Variants in ARB2A observed in about 807,000 individuals in gnomAD.
The protein encoded by ARB2A is ARB2 cotranscriptional regulator A.
At chr5:93,883,413 T>TG in the ARB2A span, among the ~76,000 whole-genome samples, 1 of 150,856 alleles carries the variant, frequency 6.6e-6, no homozygotes, top group African/African-American at 2.4e-5. Context: ...AAAAGAGAAT[T>TG]TTTTTTAAAG....
the ARB2A span, among the ~76,000 whole-genome samples, chr5:93,826,263 C>G: frequency 0.034 from 5,137 of 152,302 alleles, 182 homozygotes; most frequent in East Asian, 0.17. Context: ...AGCTTGAACA[C>G]TAAAAGACTC....
the ARB2A span, among the ~76,000 whole-genome samples, chr5:93,990,752 T>C: frequency 2.6e-5 from 4 of 151,496 alleles, no homozygotes; most frequent in African/African-American, 9.7e-5. Flanking sequence ...GACAACTGTA[T>C]AAAATGTATT....
the ARB2A span, among the ~76,000 whole-genome samples, chr5:93,964,891 G>A: frequency 6.6e-6 from 1 of 151,864 alleles, no homozygotes; most frequent in Admixed American, 6.6e-5. Flanking sequence ...GCACCTTAGT[G>A]ACTCTGAATC....
At chr5:93,634,499 T>C in the ARB2A span, among the ~76,000 whole-genome samples, 1 of 152,072 alleles carries the variant, frequency 6.6e-6, no homozygotes, top group African/African-American at 2.4e-5. Context: ...AACAAACTGA[T>C]GAGGTGGACT....
At chr5:93,858,308 C>G in the ARB2A span, among the ~76,000 whole-genome samples, 2 of 152,228 alleles carry the variant, frequency 1.3e-5, no homozygotes, top group African/African-American at 4.8e-5. Context: ...AGCAAGTGTT[C>G]AGCAAAGACC....
chr5:93,772,065 A>G, the ARB2A span, among the ~76,000 whole-genome samples: 4 of 152,248 alleles, frequency 2.6e-5, no homozygotes, highest in African/African-American at 4.8e-5. Flanking sequence ...CCAAATGTCC[A>G]ACAATGATAG....
chr5:93,683,789 C>G, the ARB2A span: 1 of 1,324,122 alleles, frequency 7.6e-7, no homozygotes, highest in Non-Finnish European at 1.1e-6. Context: ...AGAGAACAGC[C>G]GCGCAGGACG....
the ARB2A span, among the ~76,000 whole-genome samples, chr5:93,877,570 A>G: frequency 6.6e-6 from 1 of 152,128 alleles, no homozygotes; most frequent in East Asian, 1.9e-4. Context: ...ACGCTCAAAG[A>G]TCTAAAGGAT....
the ARB2A span, among the ~76,000 whole-genome samples, chr5:93,626,272 A>G: frequency 6.6e-6 from 1 of 152,216 alleles, no homozygotes; most frequent in Non-Finnish European, 1.5e-5. Context: ...TCTTCAAATG[A>G]TATCACACAC....
the ARB2A span, among the ~76,000 whole-genome samples, chr5:93,631,520 T>G: frequency 3.3e-5 from 5 of 152,298 alleles, no homozygotes; most frequent in Non-Finnish European, 7.3e-5. Context: ...CTAAAGGATT[T>G]TAAGTTAGCA....
chr5:93,741,183 C>T, the ARB2A span: 1 of 1,613,906 alleles, frequency 6.2e-7, no homozygotes, highest in Non-Finnish European at 8.5e-7. Flanking sequence ...TGGCCAATTG[C>T]TGCAACTCTT....
the ARB2A span, among the ~76,000 whole-genome samples, chr5:93,673,546 G>A: frequency 7.9e-5 from 12 of 152,172 alleles, no homozygotes; most frequent in Middle Eastern, 3.2e-3. Flanking sequence ...AAGACACTTC[G>A]TTTAAAGAAT....
At chr5:93,782,022 CTCTTA>C in the ARB2A span, 1 of 731,436 alleles carries the variant, frequency 1.4e-6, no homozygotes, top group East Asian at 1.3e-4. Context: ...AAACACTGGA[CTCTTA>C]TCTTGCCAAC....
At chr5:93,683,021 G>C in the ARB2A span, 1 of 1,571,372 alleles carries the variant, frequency 6.4e-7, no homozygotes, top group Non-Finnish European at 8.6e-7. Context: ...TGTTTTAGGA[G>C]TTTTTTCCTG....
At chr5:93,875,683 A>C in the ARB2A span, among the ~76,000 whole-genome samples, 2 of 152,230 alleles carry the variant, frequency 1.3e-5, no homozygotes, top group African/African-American at 4.8e-5. Flanking sequence ...GAGAAATATA[A>C]ATGCCTTGGA....
the ARB2A span, among the ~76,000 whole-genome samples, chr5:93,654,130 T>G: frequency 6.6e-6 from 1 of 152,144 alleles, no homozygotes; most frequent in South Asian, 2.1e-4. Context: ...ATTCAGAAAA[T>G]CAGAAAACAG....
At chr5:93,735,729 T>A in the ARB2A span, 1 of 152,294 alleles carries the variant, frequency 6.6e-6, no homozygotes, top group East Asian at 1.9e-4. Context: ...GATTTGGCTT[T>A]ATTTTCACTA....
At chr5:93,680,656 CA>C in the ARB2A span, among the ~76,000 whole-genome samples, 1 of 152,094 alleles carries the variant, frequency 6.6e-6, no homozygotes, top group African/African-American at 2.4e-5. Flanking sequence ...TTAGAGATTA[CA>C]ATGATGGTAA....
the ARB2A span, among the ~76,000 whole-genome samples, chr5:93,865,120 C>T: frequency 3.0e-4 from 45 of 152,184 alleles, no homozygotes; most frequent in Non-Finnish European, 5.7e-4. Flanking sequence ...GTCTCTCTGT[C>T]GCCCAGGCTG....
Sources: allele counts gnomAD v4.1 joint callset (sites outside exome capture counted in the v4.1 genomes callset), GRCh38; gene constraint gnomAD v4.1.1; transcripts MANE v1.5; gene names NCBI Gene and HGNC (gene_info 2026-07-23, HGNC 2026-07-21).